The following ZBTB45 variants were observed in gnomAD, a reference collection of about 807,000 sequenced individuals.
ZBTB45 encodes zinc finger and BTB domain containing 45.
In ZBTB45, 22 loss-of-function variants were observed where a neutral mutation model predicts 28.4. The ratio of observed to expected loss-of-function variants is 0.77; its 90% confidence interval spans 0.55 to 1.10. ZBTB45 has a LOEUF of 1.10. ZBTB45 is among the 50% of genes least tolerant of loss of function. The probability of loss-of-function intolerance (pLI) is 0.00; values close to 1 mark genes in which losing one functional copy is unlikely to be tolerated. For missense variants in ZBTB45, 656 were observed against 750.2 expected (o/e 0.87, Z 1.47); for synonymous variants, 361 against 332.3 (o/e 1.09, Z -0.94).
chr19:58,514,446 T>C, intron 2 of ZBTB45, 136 bp from the exon 3 acceptor site: 1 of 911,572 alleles, frequency 1.1e-6, no homozygotes, highest in Non-Finnish European at 1.6e-6. Flanking sequence ...CCGGGATCCC[T>C]TGCCTATCAG....
At position 58,517,410 on chromosome 19, in the gene ZBTB45, G is replaced by A; in HGVS notation, c.264C>T (p.Tyr88=). 2 of 1,613,034 alleles carry A rather than the reference G, an allele frequency of 1.2e-6. No homozygotes were observed. Among genetic ancestry groups the A allele is most frequent in the South Asian group, 1.1e-5 (1 of 91,084 alleles). ...QTVRQLVEFL[Y]SGSLVVAQGE... The stretch of plus-strand genomic sequence containing the variant: ...CCTGCGCCACAACGAGCGAACCGCT[G>A]TACAGGAACTCTACCAGCTGTCGCA... The change falls in exon 2 of 3, where the codon TAC becomes TAT. Residue 88 remains tyrosine (Y), a synonymous_variant. Coordinates refer to ENST00000594051, the MANE Select transcript of ZBTB45 (RefSeq NM_001316979.2).
intron 2 of ZBTB45, 137 bp from the exon 3 acceptor site, chr19:58,514,447 T>G: frequency 1.3e-4 from 131 of 1,008,066 alleles, no homozygotes; most frequent in Non-Finnish European, 1.6e-4. Flanking sequence ...CGGGATCCCT[T>G]GCCTATCAGA....
chr19:58,526,886 A>G (rs2053610910), intron 1 of ZBTB45, among the ~76,000 whole-genome samples: 1 of 151,978 alleles, frequency 6.6e-6, no homozygotes, highest in African/African-American at 2.4e-5. Flanking sequence ...GGAGTGCAGC[A>G]GCATGATCAC....
chr19:58,532,188 G>A (rs1398704363), intron 1 of ZBTB45, among the ~76,000 whole-genome samples: 6 of 152,154 alleles, frequency 3.9e-5, no homozygotes, highest in Non-Finnish European at 8.8e-5. Context: ...TTTCCCATCT[G>A]TGAAATTGGG....
chr19:58,531,424 T>C (rs1047310303), intron 1 of ZBTB45, among the ~76,000 whole-genome samples: 17 of 152,136 alleles, frequency 1.1e-4, no homozygotes, highest in African/African-American at 3.9e-4. Context: ...CACTTACGGG[T>C]TCCCCCTACA....
chr19:58,519,703 C>G (rs2053561603), intron 1 of ZBTB45, 39 bp downstream of exon 1: 1 of 152,610 alleles, frequency 6.6e-6, no homozygotes, highest in Non-Finnish European at 1.5e-5. Flanking sequence ...CCAGCCTCCT[C>G]GCCCGCCCTG....
intron 2 of ZBTB45, among the ~76,000 whole-genome samples, chr19:58,514,514 A>G (rs948760790): frequency 6.6e-6 from 1 of 151,702 alleles, no homozygotes; most frequent in Non-Finnish European, 1.5e-5. Flanking sequence ...CCTCCTCTCC[A>G]GGACCTCCCT....
upstream of ZBTB45, among the ~76,000 whole-genome samples, chr19:58,520,759 G>T (rs2053570168): frequency 6.6e-6 from 1 of 152,132 alleles, no homozygotes; most frequent in Non-Finnish European, 1.5e-5. Context: ...CAGCCAGCAA[G>T]AAAACAGACC....
At chr19:58,535,366 G>A (rs2122599327) in intron 1 of ZBTB45, among the ~76,000 whole-genome samples, 1 of 152,058 alleles carries the variant, frequency 6.6e-6, no homozygotes, top group East Asian at 2.0e-4. Flanking sequence ...CAGGCACAGT[G>A]GCTCACACTG....
chr19:58,529,445 G>A lies in ZBTB45; in HGVS notation c.-1+9256C>T, dbSNP rs550108100. 9.2e-5 allele frequency among the ~76,000 whole-genome samples: 14 copies of A among 152,264 alleles called. No individual in the cohort carries two copies. The East Asian group carries it at 2.3e-3, about 25-fold the overall frequency. On this transcript the variant is annotated intron_variant, in intron 1 of 1. Transcript: ENST00000600130. ...TAAATACACAGATAACCGTTTTAAA[G>A]TGAACAACACAGTGCCTTCTAGTAT...
At position 58,517,148 on chromosome 19, in the gene ZBTB45, G is replaced by C; in HGVS notation, c.526C>G (p.Pro176Ala). The change falls in exon 2 of 3, where the codon CCC becomes GCC. Residue 176 changes from proline to alanine, a missense_variant. Coordinates refer to ENST00000594051, the MANE Select transcript of ZBTB45 (RefSeq NM_001316979.2). ...GAAHSRKQRQ[P>A]ARLQLPAPPT... ...GGCGCTGGCAGCTGCAAACGCGCGG[G>C]CTGGCGCTGCTTACGGCTGTGTGCA... 6.2e-7 allele frequency: 1 copy of C among 1,612,110 alleles called. No homozygotes were observed. Among genetic ancestry groups the C allele is most frequent in the South Asian group, 1.1e-5 (1 of 91,022 alleles).
rs57863470 is a variant in ZBTB45 at position 58,527,081 on chromosome 19, GAC to G, written c.1-9410_1-9409del. On this transcript the variant is annotated intron_variant, in intron 1 of 1. Transcript: ENST00000600130. ...CACCTGGCTGGTTCCATCCCGAAAA[GAC>G]ACAGTGAAGCTCTAGCTGCATCCCA... Among the ~76,000 whole-genome samples, 862 of 152,332 alleles carry G rather than the reference GAC, an allele frequency of 5.7e-3. 9 individuals are homozygous for G. Among genetic ancestry groups the G allele is most frequent in the African/African-American group, 0.019 (804 of 41,580 alleles).
intron 1 of ZBTB45, among the ~76,000 whole-genome samples, chr19:58,530,771 C>T (rs888167053): frequency 6.6e-6 from 1 of 151,516 alleles, no homozygotes; most frequent in Non-Finnish European, 1.5e-5. Flanking sequence ...GCAAGCTCCG[C>T]CTCCCGGGTT....
chr19:58,514,241 A>G lies in ZBTB45; in HGVS notation c.1349T>C (p.Met450Thr). The G allele has an allele frequency of 1.2e-6, 2 of 1,612,548 alleles. No homozygotes were observed. The highest frequency in any genetic ancestry group is 1.1e-5 in the South Asian group (1 of 91,016). The change falls in exon 3 of 3, where the codon ATG (methionine) becomes ACG (threonine). Residue 450 changes from methionine (M) to threonine (T), a missense_variant. Physicochemically the swap from Met to Thr is moderately conservative, Grantham distance 81. Around this residue, in one of 3 missense-constraint regions of ZBTB45, gnomAD observed 103 missense variants for 153.5 expected, o/e 0.67. Transcript: ENST00000594051. ...GGCGCGCACGCCGGTGTGCGTGACC[A>G]TGTGTTTGAGCAGGTAGTCGCGTAG... ...FSLRDYLLKHMVTHTGVRAFQ... is the reference protein window; with the variant it reads ...FSLRDYLLKHTVTHTGVRAFQ...
At position 58,513,803 on chromosome 19, in the gene ZBTB45, T is replaced by C. The variant is rs890145050; in HGVS notation, c.*251A>G. On this transcript the variant is annotated 3_prime_UTR_variant, in exon 3 of 3. Transcript: ENST00000594051. Reference sequence around the variant, plus strand: ...CTGAGCGCCCGGTTTACGCAGGAAATAGTCCAGTTCTCAGAAGTGGTCTAA... The same window carrying C: ...CTGAGCGCCCGGTTTACGCAGGAAACAGTCCAGTTCTCAGAAGTGGTCTAA... 5.1e-5 allele frequency: 21 copies of C among 414,858 alleles called. No individual in the cohort carries two copies. The highest frequency in any genetic ancestry group is 4.1e-4 in the Admixed American group (9 of 22,128). The allele number at this position is 414,858 out of a possible 1,614,324, so 25.7% of individuals were successfully genotyped here. A position where few individuals can be genotyped will look rare whatever the true frequency, so the allele number is the denominator to read the frequency against.
chr19:58,535,039 A>G (rs1288789742), intron 1 of ZBTB45, among the ~76,000 whole-genome samples: 3 of 151,092 alleles, frequency 2.0e-5, no homozygotes, highest in African/African-American at 7.3e-5. Context: ...TATTTTTAGT[A>G]GAGAAGGGGT....
intron 1 of ZBTB45, among the ~76,000 whole-genome samples, chr19:58,536,025 A>G (rs2053658123): frequency 6.6e-6 from 1 of 152,142 alleles, no homozygotes; most frequent in Non-Finnish European, 1.5e-5. Context: ...TGGAAGAGTG[A>G]TAAGGTCAGA....
rs537685639 is a variant in ZBTB45 at position 58,517,047 on chromosome 19, C to T, written c.627G>A (p.Glu209=). 4 of 1,613,272 alleles carry T rather than the reference C, an allele frequency of 2.5e-6. No individual in the cohort carries two copies. Among genetic ancestry groups the T allele is most frequent in the Admixed American group, 3.3e-5 (2 of 60,026 alleles). ...TCTCATCGTCACTTTCCTCGTCATCCTCGTCACCTCGGTCATCAGGGGCCG... is the reference window on the plus strand; with the variant it reads ...TCTCATCGTCACTTTCCTCGTCATCTTCGTCACCTCGGTCATCAGGGGCCG... The part of the protein sequence containing the change: ...LSAAPDDRGD[E]DDEESDDETD... Residue 209 remains glutamate, a synonymous_variant, in exon 2 of 3, where the codon GAG becomes GAA. Transcript: ENST00000594051.
chr19:58,526,529 T>TATTA (rs767538968), intron 1 of ZBTB45, among the ~76,000 whole-genome samples: 27 of 85,172 alleles, frequency 3.2e-4, no homozygotes, highest in Admixed American at 9.2e-4. Flanking sequence ...ATTATTATTT[T>TATTA]TTTTTTTTTT....
Sources: allele counts gnomAD v4.1 joint callset (sites outside exome capture counted in the v4.1 genomes callset), GRCh38; gene constraint gnomAD v4.1.1; regional missense constraint gnomAD v4.1.1; transcripts MANE v1.5; gene names NCBI Gene and HGNC (gene_info 2026-07-23, HGNC 2026-07-21).